Variants in SCUBE2 observed in about 807,000 individuals in gnomAD.
The protein encoded by SCUBE2 is signal peptide, CUB and EGF-like domain-containing protein 2.
A neutral mutation model predicts 125.9 loss-of-function variants in SCUBE2; 114 were observed. That is an observed-to-expected ratio of 0.91 (90% CI 0.78 to 1.06). The LOEUF is 1.06. Among genes scored for constraint, SCUBE2 ranks in the 50% least tolerant of loss-of-function variants. The probability of loss-of-function intolerance (pLI) is 0.00; values close to 1 mark genes in which losing one functional copy is unlikely to be tolerated. For missense variants in SCUBE2, 1,255 were observed against 1,301.8 expected (o/e 0.96, Z 0.55); for synonymous variants, 459 against 492.9 (o/e 0.93, Z 0.91).
chr11:9,079,960 G>C (rs1478794212), intron 2 of SCUBE2, among the ~76,000 whole-genome samples: 1 of 152,158 alleles, frequency 6.6e-6, no homozygotes, highest in Non-Finnish European at 1.5e-5. Flanking sequence ...CAAGCTTATT[G>C]TAAAATTTAT....
chr11:9,089,338 A>T (rs1440461574), intron 2 of SCUBE2, among the ~76,000 whole-genome samples: 1 of 152,234 alleles, frequency 6.6e-6, no homozygotes, highest in Non-Finnish European at 1.5e-5. Context: ...GCAAAGGTAC[A>T]AACCGCCCCA....
intron 16 of SCUBE2, among the ~76,000 whole-genome samples, chr11:9,038,207 A>C (rs1249871606): frequency 6.6e-6 from 1 of 152,202 alleles, no homozygotes; most frequent in Non-Finnish European, 1.5e-5. Flanking sequence ...ATAAGTATGT[A>C]ATAGAATGCA....
chr11:9,025,358 T>C (rs1457452519), intron 21 of SCUBE2: 2 of 190,418 alleles, frequency 1.1e-5, no homozygotes, highest in African/African-American at 2.3e-5. Context: ...ATAAGTCTAA[T>C]GATTATCCTC....
chr11:9,068,420 A>C (rs1374507794), intron 5 of SCUBE2, among the ~76,000 whole-genome samples: 1 of 152,192 alleles, frequency 6.6e-6, no homozygotes, highest in African/African-American at 2.4e-5. Flanking sequence ...TGTACTGAGC[A>C]TATCCCATAG....
intron 1 of SCUBE2, 107 bp from the exon 2 acceptor site, chr11:9,089,936 C>T (rs1336855859): frequency 7.1e-7 from 1 of 1,402,714 alleles, no homozygotes; most frequent in East Asian, 2.4e-5. Flanking sequence ...CTTCACTCCT[C>T]ACAAGCTACA....
At chr11:9,073,825 T>A (rs1305429829) in intron 4 of SCUBE2, among the ~76,000 whole-genome samples, 1 of 151,970 alleles carries the variant, frequency 6.6e-6, no homozygotes, top group Non-Finnish European at 1.5e-5. Context: ...AAGAATCTAC[T>A]AAGTAACAGA....
Position 9,069,440 on chromosome 11 carries a change from G to C in SCUBE2, c.573C>G (p.Ala191=). 1 of 1,614,222 alleles carries C rather than the reference G, an allele frequency of 6.2e-7. No homozygotes were observed. The highest frequency in any genetic ancestry group is 8.5e-7 in the Non-Finnish European group (1 of 1,180,036). The change falls in exon 5 of 23, where the codon GCC becomes GCG. Residue 191 remains alanine (A), a synonymous_variant. Coordinates refer to ENST00000649792, the MANE Select transcript of SCUBE2 (RefSeq NM_001367977.2). ...DHGCSHICKE[A]PRGSVACECR... is the part of the protein sequence containing the mutation. ...ACTCACAGGCGACGCTGCCCCTTGG[G>C]GCCTCCTTGCAGATGTGACTACAGC...
Position 9,066,746 on chromosome 11 carries a change from G to A in SCUBE2, c.711C>T (p.Cys237=). The A allele has an allele frequency of 6.2e-7, 1 of 1,614,142 alleles. No homozygotes were observed. The highest frequency in any genetic ancestry group is 8.5e-7 in the Non-Finnish European group (1 of 1,180,014). ...GCATCTTGTACTGTGGATGGCAGCT[G>A]CACTCTGGGCCATCGGCTGTATCGT... ...SCDDTADGPE[C]SCHPQYKMHT... The change falls in exon 6 of 23, where the codon TGC becomes TGT. Residue 237 remains cysteine, a synonymous_variant. Transcript: ENST00000649792.
chr11:9,077,170 A>G (rs531729051), intron 3 of SCUBE2, among the ~76,000 whole-genome samples: 64 of 152,324 alleles, frequency 4.2e-4, no homozygotes, highest in Non-Finnish European at 7.5e-4. Context: ...ACCATAAAAC[A>G]GTGGTTCTCA....
chr11:9,020,862 G>T lies in SCUBE2; in HGVS notation c.*183C>A. The T allele has an allele frequency of 3.9e-6, 2 of 519,352 alleles. No individual in the cohort carries two copies. The allele number at this position is 519,352 out of a possible 1,614,324, so 32.2% of individuals were successfully genotyped here. On this transcript the variant is annotated 3_prime_UTR_variant, in exon 23 of 23. Coordinates refer to ENST00000649792, the MANE Select transcript of SCUBE2 (RefSeq NM_001367977.2). Reference sequence around the variant, plus strand: ...GCCATTCTCAGTCTACATCCACGATGCTGGGAAAGAAAAACCAAGTTCAAT... The same window carrying T: ...GCCATTCTCAGTCTACATCCACGATTCTGGGAAAGAAAAACCAAGTTCAAT...
chr11:9,050,599 T>G lies in SCUBE2; in HGVS notation c.1639+7A>C, dbSNP rs777122617. ...AAGCTCCCTACACCAACCACCTGATTCCATACCTGGTAGTGCTGGTCGCAG... is the reference window on the plus strand; with the variant it reads ...AAGCTCCCTACACCAACCACCTGATGCCATACCTGGTAGTGCTGGTCGCAG... On this transcript the variant is annotated splice_region_variant and intron_variant, in intron 14 of 22. Coordinates refer to ENST00000649792, the MANE Select transcript of SCUBE2 (RefSeq NM_001367977.2). The G allele has an allele frequency of 3.4e-5, 55 of 1,609,716 alleles. No individual in the cohort carries two copies. The African/African-American group carries it at 6.7e-4, about 20-fold the overall frequency.
At chr11:9,061,208 T>C (rs1475610810) in intron 7 of SCUBE2, among the ~76,000 whole-genome samples, 2 of 152,114 alleles carry the variant, frequency 1.3e-5, no homozygotes, top group African/African-American at 4.8e-5. Flanking sequence ...TGTTAGCATC[T>C]AGGCACCCAG....
intron 16 of SCUBE2, among the ~76,000 whole-genome samples, chr11:9,034,464 T>A (rs1163911463): frequency 6.6e-6 from 1 of 152,162 alleles, no homozygotes; most frequent in East Asian, 1.9e-4. Context: ...GCGTCTGTAG[T>A]CCTAGCTACT....
chr11:9,021,287 C>A (rs1289463169), intron 22 of SCUBE2, 90 bp from the exon 23 acceptor site: 4 of 1,110,416 alleles, frequency 3.6e-6, no homozygotes, highest in Non-Finnish European at 4.8e-6. Context: ...AGTATTAGGC[C>A]GTAGCTTGCT....
rs1419856027 is a variant in SCUBE2 at position 9,091,095 on chromosome 11, C to T, written c.133+301G>A. The stretch of plus-strand genomic sequence containing the variant: ...CGCGGGACCCCAAGGCCAGGGTCCG[C>T]ACCCTCCTGCCTGCTCGCCGGCGAC... On this transcript the variant is annotated intron_variant, in intron 1 of 22. Coordinates refer to ENST00000649792, the MANE Select transcript of SCUBE2 (RefSeq NM_001367977.2). The surrounding 1 kb of genome is among the most constrained non-coding windows in gnomAD (Gnocchi z 8.5). Among the ~76,000 whole-genome samples the T allele has an allele frequency of 2.6e-5, 4 of 152,218 alleles. No individual in the cohort carries two copies. Among genetic ancestry groups the T allele is most frequent in the African/African-American group, 9.6e-5 (4 of 41,466 alleles).
Position 9,050,718 on chromosome 11 carries a change from A to G in SCUBE2, c.1535-8T>C. On this transcript the variant is annotated splice_region_variant and splice_polypyrimidine_tract_variant and intron_variant, in intron 13 of 22. Coordinates refer to ENST00000649792, the MANE Select transcript of SCUBE2 (RefSeq NM_001367977.2). ...TCCTGATGGTGGTGACATCTTCAGA[A>G]AGAAACAAGTGAGAGATGTTACCTT... The G allele has an allele frequency of 1.2e-6, 2 of 1,604,556 alleles. No homozygotes were observed. The highest frequency in any genetic ancestry group is 8.5e-7 in the Non-Finnish European group (1 of 1,171,180).
chr11:9,079,289 G>A lies in SCUBE2; in HGVS notation c.382+95C>T, dbSNP rs1348457279. The A allele has an allele frequency of 2.1e-6, 3 of 1,453,320 alleles. No individual in the cohort carries two copies. The Admixed American group carries it at 5.6e-5, about 27-fold the overall frequency. 90.0% of individuals were successfully genotyped at this position (1,453,320 alleles called of 1,614,324 possible). Reference sequence around the variant, plus strand: ...AAGGGAGCAGAAAACACAAGGCTCTGAGCCCGTTTTTGTCTTCATGAGGAG... The same window carrying A: ...AAGGGAGCAGAAAACACAAGGCTCTAAGCCCGTTTTTGTCTTCATGAGGAG... On this transcript the variant is annotated intron_variant, in intron 3 of 22. Transcript: ENST00000649792.
At chr11:9,089,502 T>A (rs1862424993) in intron 2 of SCUBE2, among the ~76,000 whole-genome samples, 1 of 152,158 alleles carries the variant, frequency 6.6e-6, no homozygotes, top group Non-Finnish European at 1.5e-5. Context: ...CAGAGCCAGA[T>A]AAAACTGTGT....
intron 5 of SCUBE2, 120 bp from the exon 6 acceptor site, chr11:9,066,933 G>T (rs554658903): frequency 1.1e-4 from 87 of 767,682 alleles, no homozygotes; most frequent in Non-Finnish European, 1.8e-4. Flanking sequence ...GTGCATGCCA[G>T]GCATGGTGCA....
Sources: allele counts gnomAD v4.1 joint callset (sites outside exome capture counted in the v4.1 genomes callset), GRCh38; gene constraint gnomAD v4.1.1; non-coding constraint Gnocchi (gnomAD v3.1); transcripts MANE v1.5; gene names NCBI Gene and HGNC (gene_info 2026-07-23, HGNC 2026-07-21).